CHD6: variants seen among roughly 807,000 people sequenced by gnomAD.
The protein encoded by CHD6 is ATP-dependent chromatin remodeler CHD6.
In CHD6, 50 loss-of-function variants were observed where a neutral mutation model predicts 276.9. The observed-to-expected ratio is 0.18, with a 90% CI of 0.14 to 0.23. The LOEUF (loss-of-function observed/expected upper bound fraction) is 0.23, where lower values mean the gene tolerates loss of function less well. CHD6 is among the 10% of genes least tolerant of loss of function. The pLI is 1.00. For synonymous variants in CHD6, 1,173 were observed against 1,229.3 expected, an observed-to-expected ratio of 0.95 and a Z score of 0.96; for missense variants, 2,564 against 3,365.8, an observed-to-expected ratio of 0.76 and a Z score of 5.89.
At chr20:41,490,498 T>C (rs1336572392) in intron 11 of CHD6, among the ~76,000 whole-genome samples, 2 of 151,990 alleles carry the variant, frequency 1.3e-5, no homozygotes, top group Admixed American at 6.6e-5. Flanking sequence ...AAAGTAAAAA[T>C]AGAGCAAAAT....
intron 5 of CHD6, among the ~76,000 whole-genome samples, chr20:41,501,319 C>T (rs571172684): frequency 5.5e-4 from 84 of 152,222 alleles, no homozygotes; most frequent in Non-Finnish European, 1.0e-3. Context: ...TACATCTTGA[C>T]GAATTTTTAC....
rs750631978 is a variant in CHD6 at position 41,512,834 on chromosome 20, C to T, written c.852+12G>A. 1 of 1,613,720 alleles carries T rather than the reference C, an allele frequency of 6.2e-7. No individual in the cohort carries two copies. The highest frequency in any genetic ancestry group is 1.3e-5 in the African/African-American group (1 of 74,924). Reference sequence around the variant, plus strand: ...TCCAGCCAAGGTCAGTAACCTCATGCAAAGGCCATACCTCCGCCTGCCAGG... The same window carrying T: ...TCCAGCCAAGGTCAGTAACCTCATGTAAAGGCCATACCTCCGCCTGCCAGG... On this transcript the variant is annotated intron_variant, in intron 5 of 36. Coordinates refer to ENST00000373233, the MANE Select transcript of CHD6 (RefSeq NM_032221.5).
intron 2 of CHD6, among the ~76,000 whole-genome samples, chr20:41,549,148 T>G (rs1459987607): frequency 6.6e-6 from 1 of 151,716 alleles, no homozygotes; most frequent in East Asian, 1.9e-4. Flanking sequence ...ACTGGGTATA[T>G]ACCCAAAGGA....
In CHD6 at chr20:41,519,496, C is replaced by G. The variant is rs566942152; in HGVS notation, c.555-4544G>C. Among the ~76,000 whole-genome samples, 103 of 152,056 alleles carry G rather than the reference C, an allele frequency of 6.8e-4. 1 individual carries two copies. In the South Asian group the frequency reaches 1.0e-2, roughly 15 times the overall value. ...AAACTACCTATCTAAACATAAATGA[C>G]TGAATAAATTAGGATATATACAATG... On this transcript the variant is annotated intron_variant, in intron 3 of 36. Coordinates refer to ENST00000373233, the MANE Select transcript of CHD6 (RefSeq NM_032221.5).
rs1293615536 is a variant in CHD6 at position 41,473,746 on chromosome 20, C to G, written c.2469-229G>C. ...CTCAAAACAGAACAAAACAAAAAAA[C>G]AAAACAAAGCAAAAAAAAACCAGCT... On this transcript the variant is annotated intron_variant, in intron 16 of 36. Transcript: ENST00000373233. The surrounding 1 kb of genome is among the most constrained non-coding windows in gnomAD (Gnocchi z 4.1). Among the ~76,000 whole-genome samples the G allele has an allele frequency of 6.6e-6, 1 of 151,164 alleles. No individual in the cohort carries two copies. Among genetic ancestry groups the G allele is most frequent in the South Asian group, 2.1e-4 (1 of 4,776 alleles).
chr20:41,615,937 T>C (rs374992311), intron 1 of CHD6, among the ~76,000 whole-genome samples: 2 of 152,236 alleles, frequency 1.3e-5, no homozygotes, highest in Admixed American at 6.5e-5. Context: ...CTCCAACACA[T>C]AGTAGCCCAA....
At chr20:41,504,209 T>C (rs1382753190) in intron 5 of CHD6, among the ~76,000 whole-genome samples, 1 of 151,710 alleles carries the variant, frequency 6.6e-6, no homozygotes, top group Non-Finnish European at 1.5e-5. Flanking sequence ...GCTTCAGAAA[T>C]TTTCCATTGA....
chr20:41,588,586 C>T (rs956294505), intron 1 of CHD6, among the ~76,000 whole-genome samples: 4 of 152,262 alleles, frequency 2.6e-5, no homozygotes, highest in East Asian at 1.9e-4. Context: ...AGGGTAAAGA[C>T]GTAGAAAACT....
At position 41,405,413 on chromosome 20, in the gene CHD6, C is replaced by T; in HGVS notation, c.7328G>A (p.Gly2443Glu). The change falls in exon 37 of 37, where the codon GGG becomes GAG. Residue 2443 changes from glycine (G) to glutamate (E), a missense_variant. Physicochemically the swap from Gly to Glu is moderately conservative, Grantham distance 98. This residue lies in a region of CHD6 where 1,024 missense variants were observed against 1,047.9 expected (regional missense o/e 0.98). Transcript: ENST00000373233. ...ILRDTGPRRR[G>E]RRPRSELLKA... ...CAGGAGTTCGCTCCGAGGCCGCCTC[C>T]CCCTCCTGCGGGGGCCCGTATCTCG... 1 of 1,612,970 alleles carries T rather than the reference C, an allele frequency of 6.2e-7. No individual in the cohort carries two copies. The highest frequency in any genetic ancestry group is 8.5e-7 in the Non-Finnish European group (1 of 1,179,144).
At chr20:41,427,529 G>A (rs935633465) in intron 27 of CHD6, among the ~76,000 whole-genome samples, 3 of 152,202 alleles carry the variant, frequency 2.0e-5, no homozygotes, top group African/African-American at 7.2e-5. Context: ...GCTGGCAAGT[G>A]GCAGAGCTGG....
chr20:41,592,951 A>G (rs1329236616), intron 1 of CHD6, among the ~76,000 whole-genome samples: 2 of 152,162 alleles, frequency 1.3e-5, no homozygotes, highest in South Asian at 4.1e-4. Context: ...CCAAAACTCA[A>G]TTTAAGAAAT....
intron 1 of CHD6, among the ~76,000 whole-genome samples, chr20:41,559,591 C>T (rs1004657477): frequency 9.9e-5 from 15 of 152,136 alleles, no homozygotes; most frequent in Non-Finnish European, 1.8e-4. Flanking sequence ...GGCTTAGCTT[C>T]CTCCCTAGAA....
chr20:41,612,201 T>C (rs1401885532), intron 1 of CHD6, among the ~76,000 whole-genome samples: 1 of 152,232 alleles, frequency 6.6e-6, no homozygotes, highest in African/African-American at 2.4e-5. Flanking sequence ...GTACTCACCT[T>C]GTCAGACAGG....
chr20:41,591,681 G>A (rs924018460), intron 1 of CHD6, among the ~76,000 whole-genome samples: 1 of 151,236 alleles, frequency 6.6e-6, no homozygotes, highest in Non-Finnish European at 1.5e-5. Flanking sequence ...CAACAAGAAT[G>A]AAACTCCAAA....
At chr20:41,408,775 G>T (rs2046758274) in intron 36 of CHD6, among the ~76,000 whole-genome samples, 1 of 152,194 alleles carries the variant, frequency 6.6e-6, no homozygotes, top group Non-Finnish European at 1.5e-5. Context: ...AGGTCTTTCT[G>T]TTAGGAAGAA....
chr20:41,609,553 C>G (rs2045863732), intron 1 of CHD6, among the ~76,000 whole-genome samples: 1 of 152,178 alleles, frequency 6.6e-6, no homozygotes, highest in Non-Finnish European at 1.5e-5. Context: ...ATGCCATAAA[C>G]AAAACAGACA....
chr20:41,610,655 G>A (rs182596237), intron 1 of CHD6, among the ~76,000 whole-genome samples: 12 of 152,226 alleles, frequency 7.9e-5, no homozygotes, highest in South Asian at 2.1e-4. Flanking sequence ...CAGCTACTCC[G>A]GAGGCTGAGG....
At chr20:41,527,611 T>A (rs1029989828) in intron 3 of CHD6, among the ~76,000 whole-genome samples, 27 of 152,198 alleles carry the variant, frequency 1.8e-4, no homozygotes, top group Admixed American at 1.5e-3. Flanking sequence ...TGTGCCTTAA[T>A]GCCACGAAGC....
chr20:41,616,763 A>T (rs1372135223), intron 1 of CHD6, among the ~76,000 whole-genome samples: 2 of 152,172 alleles, frequency 1.3e-5, no homozygotes, highest in African/African-American at 2.4e-5. Flanking sequence ...TCATTTTATC[A>T]AACACAGATC....
Sources: gnomAD v4.1 joint callset for allele counts (sites outside exome capture counted in the v4.1 genomes callset) on GRCh38, gnomAD v4.1.1 for gene constraint, gnomAD v4.1.1 regional missense constraint, Gnocchi (gnomAD v3.1) non-coding constraint, MANE v1.5 for transcripts, NCBI Gene and HGNC (gene_info 2026-07-23, HGNC 2026-07-21) for gene names.